Variants in LUC7L3 observed in about 807,000 individuals in gnomAD.
LUC7L3 encodes luc7-like protein 3.
LUC7L3 carries 6 observed loss-of-function variants against 66.8 expected under a neutral mutation model. That is an observed-to-expected ratio of 0.09 (90% CI 0.05 to 0.18). The LOEUF is 0.18. LUC7L3 is among the 10% of genes least tolerant of loss of function. The pLI is 1.00. For missense variants in LUC7L3, 341 were observed against 531.1 expected, an observed-to-expected ratio of 0.64 and a Z score of 3.52; for synonymous variants, 160 against 174.7, an observed-to-expected ratio of 0.92 and a Z score of 0.66.
At chr17:50,734,591 A>G (rs1286815858) in intron 1 of LUC7L3, among the ~76,000 whole-genome samples, 1 of 152,204 alleles carries the variant, frequency 6.6e-6, no homozygotes. Flanking sequence ...GGCTCAACTA[A>G]TCTTCCTGCC....
At position 50,745,950 on chromosome 17, in the gene LUC7L3, C is replaced by T. The variant is rs994885040; in HGVS notation, c.924C>T (p.Cys308=). 3 of 1,611,958 alleles carry T rather than the reference C, an allele frequency of 1.9e-6. 1 individual carries two copies. The highest frequency in any genetic ancestry group is 3.4e-5 in the Admixed American group (2 of 59,466). ...RHSSRTSDRR[C]SRSRDHKRSR... is the part of the protein sequence containing the mutation. ...CAAGCCGAACATCAGACAGAAGATG[C>T]AGCAGGTCTCGGGACCACAAAAGGT... Residue 308 remains cysteine, a synonymous_variant, in exon 8 of 10, where the codon TGC becomes TGT. Coordinates refer to ENST00000505658, the MANE Select transcript of LUC7L3 (RefSeq NM_016424.5).
At chr17:50,738,157 T>A (rs1970102643) in intron 2 of LUC7L3, 1 of 456,188 alleles carries the variant, frequency 2.2e-6, no homozygotes, top group Non-Finnish European at 4.4e-6. Flanking sequence ...AGAGGATTCT[T>A]CTCTAGAGAA....
At chr17:50,741,057 G>A in intron 3 of LUC7L3, 45 bp from the exon 4 acceptor site, 20 of 1,596,628 alleles carry the variant, frequency 1.3e-5, no homozygotes, top group Non-Finnish European at 1.7e-5. Context: ...AGTTGTAATG[G>A]CTGAAGATTT....
intron 9 of LUC7L3, 59 bp from the exon 10 acceptor site, chr17:50,750,425 TTTCACTTTTTTTCAAAA>T: frequency 2.9e-6 from 4 of 1,373,820 alleles, no homozygotes; most frequent in Non-Finnish European, 4.0e-6. Context: ...CTCTCAGTTG[TTTCACTTTTTTTCAAAA>T]TCATGTCTTT....
intron 4 of LUC7L3, 115 bp from the exon 5 acceptor site, chr17:50,741,542 C>G (rs1970347723): frequency 6.3e-6 from 4 of 639,546 alleles, no homozygotes; most frequent in Non-Finnish European, 1.1e-5. Flanking sequence ...GAATTACTAT[C>G]CTTTCAATTA....
At chr17:50,733,057 T>A (rs1037911673) in intron 1 of LUC7L3, among the ~76,000 whole-genome samples, 4 of 152,222 alleles carry the variant, frequency 2.6e-5, no homozygotes, top group African/African-American at 9.6e-5. Context: ...ATAGACGTTG[T>A]GTCTTACCTA....
chr17:50,723,441 A>G (rs1317308698), intron 1 of LUC7L3: 2 of 152,380 alleles, frequency 1.3e-5, no homozygotes, highest in Non-Finnish European at 2.9e-5. Context: ...TTCTGTCCAC[A>G]TTTTTTACTT....
Position 50,751,023 on chromosome 17 carries a change from G to GTTT in LUC7L3, c.*371_*373dup. ...TTTTTTTTAATAAAAAGGTTGAACTGTTTTTTTTTTTCTTTTTGGTATTAA... is the reference window on the plus strand; with the variant it reads ...TTTTTTTTAATAAAAAGGTTGAACTGTTTTTTTTTTTTTTCTTTTTGGTATTAA... On this transcript the variant is annotated 3_prime_UTR_variant, in exon 10 of 10. Coordinates refer to ENST00000505658, the MANE Select transcript of LUC7L3 (RefSeq NM_016424.5). 5.8e-5 allele frequency: 69 copies of GTTT among 1,186,698 alleles called. No individual in the cohort carries two copies. Among genetic ancestry groups the GTTT allele is most frequent in the South Asian group, 2.2e-4 (12 of 53,890 alleles). 73.5% of individuals were successfully genotyped at this position (1,186,698 alleles called of 1,614,324 possible). A position where few individuals can be genotyped will look rare whatever the true frequency, so the allele number is the denominator to read the frequency against.
At position 50,750,712 on chromosome 17, in the gene LUC7L3, C is replaced by A. The variant is rs1276939061; in HGVS notation, c.*51C>A. 6.2e-7 allele frequency: 1 copy of A among 1,613,896 alleles called. No homozygotes were observed. Among genetic ancestry groups the A allele is most frequent in the Non-Finnish European group, 8.5e-7 (1 of 1,179,968 alleles). The stretch of plus-strand genomic sequence containing the variant: ...AGACAGAGGTAAGTGTATTGTTTCT[C>A]ACTTTGATTAGGGCTTTTTGTTACT... On this transcript the variant is annotated 3_prime_UTR_variant, in exon 10 of 10. Transcript: ENST00000505658.
chr17:50,744,926 C>A, intron 7 of LUC7L3, 113 bp downstream of exon 7: 1 of 789,146 alleles, frequency 1.3e-6, no homozygotes, highest in Non-Finnish European at 2.0e-6. Flanking sequence ...ATTCTCATGC[C>A]TCAGCCTCCT....
chr17:50,754,606 A>G lies in LUC7L3; in HGVS notation c.*3945A>G, dbSNP rs955745428. On this transcript the variant is annotated 3_prime_UTR_variant, in exon 10 of 10. Transcript: ENST00000505658. ...TGCTCAAGACATCCTCTCCTCTGGA[A>G]TGTAGAGATAATACATATCATGCTC... 5 of 152,214 alleles carry G rather than the reference A, an allele frequency of 3.3e-5. No homozygotes were observed. Among genetic ancestry groups the G allele is most frequent in the African/African-American group, 1.2e-4 (5 of 41,454 alleles). The allele number at this position is 152,214 out of a possible 1,614,324, so 9.4% of individuals were successfully genotyped here.
At position 50,743,830 on chromosome 17, in the gene LUC7L3, C is replaced by T; in HGVS notation, c.531+20C>T. 2.0e-6 allele frequency: 3 copies of T among 1,505,836 alleles called. No homozygotes were observed. Among genetic ancestry groups the T allele is most frequent in the Non-Finnish European group, 2.8e-6 (3 of 1,087,758 alleles). 93.3% of individuals were successfully genotyped at this position (1,505,836 alleles called of 1,614,324 possible). ...ACGTCGGTGAGTAAACCTTATTTCA[C>T]ATTATCTCATCTGTCTGTTAACAGT... On this transcript the variant is annotated intron_variant, in intron 6 of 9. Coordinates refer to ENST00000505658, the MANE Select transcript of LUC7L3 (RefSeq NM_016424.5).
chr17:50,735,242 AAAAG>A (rs1969899821), intron 1 of LUC7L3, among the ~76,000 whole-genome samples: 1 of 84,582 alleles, frequency 1.2e-5, no homozygotes, highest in Non-Finnish European at 2.2e-5. Context: ...AAAAAAAAAA[AAAAG>A]AAAAAAAAAA....
At chr17:50,722,191 CTTTTTTTTTTTT>C (rs869286245) in intron 1 of LUC7L3, 2 of 63,712 alleles carry the variant, frequency 3.1e-5, no homozygotes, top group Non-Finnish European at 5.4e-5. Context: ...CTTATGCATT[CTTTTTTTTTTTT>C]TTTTTTTTTT....
intron 1 of LUC7L3, among the ~76,000 whole-genome samples, chr17:50,730,511 TC>T (rs1173689835): frequency 0.022 from 596 of 27,112 alleles, 5 homozygotes; most frequent in Admixed American, 0.1. Context: ...AGACTCTGTC[TC>T]CAAAAAAAAA....
chr17:50,751,021 CTG>C lies in LUC7L3; in HGVS notation c.*362_*363del, dbSNP rs1970953496. The C allele has an allele frequency of 3.4e-5, 48 of 1,396,550 alleles. No individual in the cohort carries two copies. In the East Asian group the frequency reaches 1.2e-3, roughly 36 times the overall value. 86.5% of individuals were successfully genotyped at this position (1,396,550 alleles called of 1,614,324 possible). The stretch of plus-strand genomic sequence containing the variant: ...TTTTTTTTTTAATAAAAAGGTTGAA[CTG>C]TTTTTTTTTTTCTTTTTGGTATTAA... On this transcript the variant is annotated 3_prime_UTR_variant, in exon 10 of 10. Transcript: ENST00000505658.
chr17:50,752,162 T>C lies in LUC7L3; in HGVS notation c.*1501T>C. The C allele has an allele frequency of 7.8e-7, 1 of 1,281,036 alleles. No homozygotes were observed. Among genetic ancestry groups the C allele is most frequent in the Non-Finnish European group, 1.0e-6 (1 of 985,450 alleles). The allele number at this position is 1,281,036 out of a possible 1,614,324, so 79.4% of individuals were successfully genotyped here. On this transcript the variant is annotated 3_prime_UTR_variant, in exon 10 of 10. Transcript: ENST00000505658. ...TCATAAAAATTGGCCTTTTACATGT[T>C]GTCTAATTATCATTTTTCCCCAAAT...
intron 9 of LUC7L3, 69 bp downstream of exon 9, chr17:50,746,771 C>G: frequency 2.1e-6 from 3 of 1,395,400 alleles, no homozygotes; most frequent in Non-Finnish European, 3.0e-6. Context: ...TCACTTTTCT[C>G]CAGACACAGG....
chr17:50,735,506 T>A (rs1969925305), intron 1 of LUC7L3, among the ~76,000 whole-genome samples: 1 of 147,034 alleles, frequency 6.8e-6, no homozygotes, highest in African/African-American at 2.7e-5. Context: ...TTTCTTTTTC[T>A]TTTTCTTTTT....
Sources: gnomAD v4.1 joint callset for allele counts (sites outside exome capture counted in the v4.1 genomes callset) on GRCh38, gnomAD v4.1.1 for gene constraint, MANE v1.5 for transcripts, NCBI Gene and HGNC (gene_info 2026-07-23, HGNC 2026-07-21) for gene names.